The following SLC25A21 variants were observed in gnomAD, a reference collection of about 807,000 sequenced individuals.
SLC25A21 encodes the protein solute carrier family 25 member 21.
A neutral mutation model predicts 43.8 loss-of-function variants in SLC25A21; 47 were observed. The observed-to-expected ratio is 1.07, with a 90% CI of 0.85 to 1.37. SLC25A21 has a LOEUF of 1.37. SLC25A21 is among the 40% of genes most tolerant of loss of function. The probability of loss-of-function intolerance (pLI) is 0.00; values close to 1 mark genes in which losing one functional copy is unlikely to be tolerated. For synonymous variants in SLC25A21, 131 were observed against 121.3 expected (o/e 1.08, Z -0.52); for missense variants, 352 against 350.2 (o/e 1.00, Z -0.04).
intron 1 of SLC25A21, among the ~76,000 whole-genome samples, chr14:36,890,847 T>C (rs997452912): frequency 6.6e-6 from 1 of 152,178 alleles, no homozygotes; most frequent in Non-Finnish European, 1.5e-5. Flanking sequence ...TATCCTATAA[T>C]GACCACAATA....
chr14:36,817,432 AGGGAAAGCTGTCCTTTCTAAT>A (rs1222452186), intron 2 of SLC25A21, among the ~76,000 whole-genome samples: 2 of 152,242 alleles, frequency 1.3e-5, no homozygotes, highest in South Asian at 2.1e-4. Flanking sequence ...ATGGCCAGTG[AGGGAAAGCTGTCCTTTCTAAT>A]GGGGAAGCGA....
chr14:36,781,554 T>C (rs1313571179), intron 3 of SLC25A21, among the ~76,000 whole-genome samples: 1 of 152,202 alleles, frequency 6.6e-6, no homozygotes, highest in African/African-American at 2.4e-5. Context: ...GTTATAACCA[T>C]ATCAGTCATT....
intron 1 of SLC25A21, among the ~76,000 whole-genome samples, chr14:37,138,362 T>C (rs1397347341): frequency 2.0e-5 from 3 of 152,212 alleles, no homozygotes; most frequent in Admixed American, 6.5e-5. Context: ...ATATGGCCTT[T>C]ATGCCATTTA....
intron 1 of SLC25A21, among the ~76,000 whole-genome samples, chr14:37,113,111 T>A (rs763878845): frequency 6.6e-6 from 1 of 152,136 alleles, no homozygotes; most frequent in Admixed American, 6.5e-5. Context: ...AGAGTTTCCA[T>A]AGACACCTCA....
At chr14:37,161,430 G>A (rs1594825534) in intron 1 of SLC25A21, among the ~76,000 whole-genome samples, 1 of 152,140 alleles carries the variant, frequency 6.6e-6, no homozygotes, top group African/African-American at 2.4e-5. Context: ...TTGAGATATG[G>A]ACCATAAATT....
chr14:36,936,383 C>T (rs1433029044), intron 1 of SLC25A21, among the ~76,000 whole-genome samples: 1 of 151,992 alleles, frequency 6.6e-6, no homozygotes, highest in Non-Finnish European at 1.5e-5. Context: ...ACCGTTTGTA[C>T]TGTTTGCCTT....
chr14:37,143,643 A>C (rs1963609059), intron 1 of SLC25A21, among the ~76,000 whole-genome samples: 1 of 150,842 alleles, frequency 6.6e-6, no homozygotes, highest in Non-Finnish European at 1.5e-5. Context: ...AAGAGGAACA[A>C]GTATGAAAGG....
At chr14:37,027,753 C>T (rs1228818735) in intron 1 of SLC25A21, among the ~76,000 whole-genome samples, 1 of 152,110 alleles carries the variant, frequency 6.6e-6, no homozygotes, top group East Asian at 1.9e-4. Flanking sequence ...AGCTGTTTGG[C>T]CTGGCTTGGT....
chr14:36,845,508 C>A (rs548626406), intron 2 of SLC25A21, among the ~76,000 whole-genome samples: 1 of 152,206 alleles, frequency 6.6e-6, no homozygotes, highest in Non-Finnish European at 1.5e-5. Flanking sequence ...TAAAAAAGTT[C>A]TTACTTACAC....
intron 1 of SLC25A21, among the ~76,000 whole-genome samples, chr14:37,005,173 C>G (rs1432560340): frequency 6.6e-6 from 1 of 152,054 alleles, no homozygotes; most frequent in African/African-American, 2.4e-5. Flanking sequence ...ATCTGTACCA[C>G]AAGTGCACAA....
chr14:37,035,736 G>C (rs1961313000), intron 1 of SLC25A21, among the ~76,000 whole-genome samples: 1 of 152,204 alleles, frequency 6.6e-6, no homozygotes, highest in Non-Finnish European at 1.5e-5. Context: ...CTAGACACTG[G>C]AAAACAAATG....
chr14:36,928,534 T>G (rs1473974060), intron 1 of SLC25A21, among the ~76,000 whole-genome samples: 2 of 152,178 alleles, frequency 1.3e-5, no homozygotes, highest in East Asian at 3.9e-4. Flanking sequence ...GATCTATGCT[T>G]ATCCTCAAAT....
intron 2 of SLC25A21, among the ~76,000 whole-genome samples, chr14:36,827,624 A>G (rs1001708590): frequency 6.6e-6 from 1 of 152,206 alleles, no homozygotes; most frequent in Admixed American, 6.5e-5. Context: ...CACAACTTTA[A>G]ATATGTAATG....
chr14:36,703,968 T>C (rs1363589718), intron 7 of SLC25A21, among the ~76,000 whole-genome samples: 1 of 152,242 alleles, frequency 6.6e-6, no homozygotes, highest in Non-Finnish European at 1.5e-5. Context: ...TATAATTCTT[T>C]ATCCTGACAC....
At chr14:36,812,875 G>A (rs1434084911) in intron 3 of SLC25A21, among the ~76,000 whole-genome samples, 1 of 152,038 alleles carries the variant, frequency 6.6e-6, no homozygotes, top group Non-Finnish European at 1.5e-5. Context: ...TTCTTTATCT[G>A]TCCAACTGGA....
chr14:37,170,478 C>T (rs1156488426), intron 1 of SLC25A21, among the ~76,000 whole-genome samples: 3 of 152,110 alleles, frequency 2.0e-5, no homozygotes, highest in African/African-American at 7.2e-5. Context: ...TTTGGACTAG[C>T]TGAGTTTTCT....
chr14:37,163,107 C>G (rs2138951922), intron 1 of SLC25A21, among the ~76,000 whole-genome samples: 1 of 140,618 alleles, frequency 7.1e-6, no homozygotes. Context: ...CACATGGACA[C>G]AGGAAGGGGA....
chr14:37,124,244 A>G (rs912272526), intron 1 of SLC25A21, among the ~76,000 whole-genome samples: 10 of 152,172 alleles, frequency 6.6e-5, no homozygotes, highest in African/African-American at 2.4e-4. Flanking sequence ...TGAGAGCCAC[A>G]TTGGTTTTAA....
At chr14:36,798,902 A>AACAGAG (rs1555328934) in intron 3 of SLC25A21, among the ~76,000 whole-genome samples, 1 of 150,770 alleles carries the variant, frequency 6.6e-6, no homozygotes, top group Non-Finnish European at 1.5e-5. Context: ...TAGGGAGAGA[A>AACAGAG]AGAGAGAGAG....
Sources: allele counts gnomAD v4.1 joint callset (sites outside exome capture counted in the v4.1 genomes callset), GRCh38; gene constraint gnomAD v4.1.1; transcripts MANE v1.5; gene names NCBI Gene and HGNC (gene_info 2026-07-23, HGNC 2026-07-21).